The following FAM3B variants were observed in gnomAD, a reference collection of about 807,000 sequenced individuals.
FAM3B encodes FAM3 metabolism regulating signaling molecule B.
Under a neutral mutation model 28.4 loss-of-function variants are expected in FAM3B, and 29 were observed. That is an observed-to-expected ratio of 1.02 (90% CI 0.76 to 1.39). The LOEUF (loss-of-function observed/expected upper bound fraction) is 1.39. Among genes scored for constraint, FAM3B ranks in the 40% most tolerant of loss-of-function variants. The pLI is 0.00. For missense variants in FAM3B, 266 were observed against 293.9 expected (o/e 0.91, Z 0.69); for synonymous variants, 91 against 103.0 (o/e 0.88, Z 0.71).
In FAM3B at chr21:41,338,474, A is replaced by G; in HGVS notation, c.260A>G (p.Tyr87Cys). Residue 87 changes from tyrosine (Y) to cysteine (C), a missense_variant, in exon 3 of 8, where the codon TAC becomes TGC. Transcript: ENST00000357985. Reference protein sequence around the residue: ...RLLSGGGRSKYAKICFEDNLL... With the variant: ...RLLSGGGRSKCAKICFEDNLL... ...CTCAGCGGAGGTGGCAGAAGCAAGT[A>G]CGCCAAAATCTGCTTTGAGGATAAC... is the stretch of plus-strand genomic sequence containing the variant. 1 of 1,614,222 alleles carries G rather than the reference A, an allele frequency of 6.2e-7. No homozygotes were observed. Among genetic ancestry groups the G allele is most frequent in the Non-Finnish European group, 8.5e-7 (1 of 1,180,032 alleles).
chr21:41,308,061 T>C (rs1465469007), intron 1 of FAM3B, among the ~76,000 whole-genome samples: 1 of 152,188 alleles, frequency 6.6e-6, no homozygotes, highest in Non-Finnish European at 1.5e-5. Flanking sequence ...ATGTGTGTCA[T>C]ATAGTTCTTT....
chr21:41,322,810 C>T (rs1481692580), intron 1 of FAM3B, 113 bp from the exon 2 acceptor site: 5 of 1,529,394 alleles, frequency 3.3e-6, no homozygotes, highest in East Asian at 2.3e-5. Context: ...GTGCCTATAG[C>T]GCAGTCCCCT....
chr21:41,327,314 T>C (rs561239732), intron 2 of FAM3B, among the ~76,000 whole-genome samples: 1 of 152,260 alleles, frequency 6.6e-6, no homozygotes, highest in Non-Finnish European at 1.5e-5. Context: ...TCCTCCCTTA[T>C]TAATTAAAGG....
Position 41,357,473 on chromosome 21 carries a change from C to CCCTGGGACAAACAT in FAM3B, c.*276_*277insCCTGGGACAAACAT, listed in dbSNP as rs2089177086. On this transcript the variant is annotated 3_prime_UTR_variant, in exon 8 of 8. Coordinates refer to ENST00000357985, the MANE Select transcript of FAM3B (RefSeq NM_058186.4). ...AAGCTGGAAAGAGGGTTGGGAGAAA[C>CCCTGGGACAAACAT]AGCTTGTCCAGGTGGAGCTATGTTA... 7.3e-6 allele frequency: 2 copies of CCCTGGGACAAACAT among 274,264 alleles called. No individual in the cohort carries two copies. The highest frequency in any genetic ancestry group is 1.4e-5 in the Non-Finnish European group (2 of 141,596). The allele number at this position is 274,264 out of a possible 1,614,324, so 17.0% of individuals were successfully genotyped here.
intron 2 of FAM3B, among the ~76,000 whole-genome samples, chr21:41,332,046 G>A (rs887333387): frequency 2.6e-5 from 4 of 152,192 alleles, no homozygotes; most frequent in African/African-American, 9.7e-5. Context: ...CTGGAGGGAG[G>A]TATTTGGATG....
intron 7 of FAM3B, among the ~76,000 whole-genome samples, chr21:41,349,774 C>A (rs541382843): frequency 1.3e-5 from 2 of 152,310 alleles, no homozygotes; most frequent in Admixed American, 1.3e-4. Context: ...CCTTCTGTGA[C>A]CCCCTCTAGT....
At chr21:41,356,601 G>A (rs2089169775) in intron 7 of FAM3B, among the ~76,000 whole-genome samples, 1 of 152,188 alleles carries the variant, frequency 6.6e-6, no homozygotes, top group African/African-American at 2.4e-5. Context: ...AGTGTGGCTA[G>A]GGGCTACTCC....
At chr21:41,322,658 GT>G (rs541363078) in intron 1 of FAM3B, 21 of 718,010 alleles carry the variant, frequency 2.9e-5, no homozygotes, top group South Asian at 2.5e-4. Flanking sequence ...AAGGACGTTT[GT>G]TGGTTAAGTT....
upstream of FAM3B, among the ~76,000 whole-genome samples, chr21:41,315,211 G>A (rs921156130): frequency 5.3e-5 from 8 of 152,232 alleles, no homozygotes; most frequent in South Asian, 2.1e-4. Flanking sequence ...GTATGATTGC[G>A]CTTATATGAA....
At chr21:41,314,984 C>T (rs538721170), upstream of FAM3B, among the ~76,000 whole-genome samples, 161 of 152,234 alleles carry the variant, frequency 1.1e-3, no homozygotes, top group African/African-American at 3.7e-3. Context: ...TATTTGCACA[C>T]CCATGTTCAT....
Position 41,348,634 on chromosome 21 carries a change from T to C in FAM3B, c.528T>C (p.Ser176=), listed in dbSNP as rs763067992. The change falls in exon 7 of 8, where the codon AGT becomes AGC. Residue 176 remains serine, a synonymous_variant. Coordinates refer to ENST00000357985, the MANE Select transcript of FAM3B (RefSeq NM_058186.4). ...DAKNAIEALG[S]KEIRNMKFRS... ...AGAATGCCATAGAAGCACTTGGAAG[T>C]AAAGAAATCAGGAACATGAAATTCA... The C allele has an allele frequency of 1.2e-6, 2 of 1,614,154 alleles. No homozygotes were observed. Among genetic ancestry groups the C allele is most frequent in the South Asian group, 2.2e-5 (2 of 91,078 alleles).
intron 2 of FAM3B, among the ~76,000 whole-genome samples, chr21:41,332,080 T>A (rs2088911175): frequency 6.6e-6 from 1 of 152,208 alleles, no homozygotes; most frequent in Admixed American, 6.5e-5. Flanking sequence ...CCTCATGGCT[T>A]GGTGCTGCCT....
In FAM3B at chr21:41,357,184, A is replaced by G. The variant is rs772131665; in HGVS notation, c.695A>G (p.Lys232Arg). ...AEIQIEGCIP[K>R]ERS ...ATCCAGATAGAAGGCTGCATACCCA[A>G]AGAACGAAGCTGACACTGCAGGGTC... is the stretch of plus-strand genomic sequence containing the variant. The change falls in exon 8 of 8, where the codon AAA becomes AGA. Residue 232 changes from lysine to arginine, a missense_variant. Transcript: ENST00000357985. The G allele has an allele frequency of 2.5e-6, 4 of 1,612,326 alleles. No homozygotes were observed. In the East Asian group the frequency reaches 6.7e-5, roughly 27 times the overall value.
At position 41,357,157 on chromosome 21, in the gene FAM3B, A is replaced by G. The variant is rs1030021377; in HGVS notation, c.668A>G (p.Glu223Gly). ...KNNRYSGWPA[E>G]IQIEGCIPKE... ...AACAGATATTCTGGCTGGCCTGCAGAGATCCAGATAGAAGGCTGCATACCC... is the reference window on the plus strand; with the variant it reads ...AACAGATATTCTGGCTGGCCTGCAGGGATCCAGATAGAAGGCTGCATACCC... The change falls in exon 8 of 8, where the codon GAG (glutamate) becomes GGG (glycine). Residue 223 changes from glutamate to glycine, a missense_variant. Coordinates refer to ENST00000357985, the MANE Select transcript of FAM3B (RefSeq NM_058186.4). 6.2e-7 allele frequency: 1 copy of G among 1,613,634 alleles called. No homozygotes were observed. The highest frequency in any genetic ancestry group is 8.5e-7 in the Non-Finnish European group (1 of 1,179,828).
Position 41,338,466 on chromosome 21 carries a change from A to G in FAM3B, c.252A>G (p.Arg84=), listed in dbSNP as rs1568919036. The G allele has an allele frequency of 6.2e-7, 1 of 1,614,202 alleles. No individual in the cohort carries two copies. The highest frequency in any genetic ancestry group is 1.1e-5 in the South Asian group (1 of 91,084). Residue 84 remains arginine (R), a synonymous_variant, in exon 3 of 8, where the codon AGA becomes AGG. Coordinates refer to ENST00000357985, the MANE Select transcript of FAM3B (RefSeq NM_058186.4). ...ACAGGTTACTCAGCGGAGGTGGCAGAAGCAAGTACGCCAAAATCTGCTTTG... is the reference window on the plus strand; with the variant it reads ...ACAGGTTACTCAGCGGAGGTGGCAGGAGCAAGTACGCCAAAATCTGCTTTG... The part of the protein sequence containing the change: ...YAYRLLSGGG[R]SKYAKICFED...
At chr21:41,354,225 T>C (rs2089145175) in intron 7 of FAM3B, among the ~76,000 whole-genome samples, 1 of 152,046 alleles carries the variant, frequency 6.6e-6, no homozygotes, top group East Asian at 1.9e-4. Flanking sequence ...TGAAGACATG[T>C]GGCAATTCCT....
chr21:41,356,157 T>A (rs1241926413), intron 7 of FAM3B, among the ~76,000 whole-genome samples: 3 of 151,550 alleles, frequency 2.0e-5, no homozygotes, highest in Non-Finnish European at 4.4e-5. Context: ...CTAGCTAAAT[T>A]TACATTTTAT....
intron 2 of FAM3B, among the ~76,000 whole-genome samples, chr21:41,333,034 T>C (rs2145811461): frequency 6.6e-6 from 1 of 152,218 alleles, no homozygotes; most frequent in Admixed American, 6.5e-5. Context: ...AGGTTGTTTA[T>C]GTGAGACCTT....
chr21:41,351,989 A>G (rs1317190929), intron 7 of FAM3B, among the ~76,000 whole-genome samples: 1 of 152,206 alleles, frequency 6.6e-6, no homozygotes, highest in African/African-American at 2.4e-5. Context: ...AACTGTGGGT[A>G]GCGGAGCCTG....
Sources: allele counts gnomAD v4.1 joint callset (sites outside exome capture counted in the v4.1 genomes callset), GRCh38; gene constraint gnomAD v4.1.1; transcripts MANE v1.5; gene names NCBI Gene and HGNC (gene_info 2026-07-23, HGNC 2026-07-21).